Variants in RAP1GAP2 observed in about 807,000 individuals in gnomAD.
RAP1GAP2 encodes the protein RAP1 GTPase activating protein 2.
RAP1GAP2 carries 27 observed loss-of-function variants against 95.0 expected under a neutral mutation model. That is an observed-to-expected ratio of 0.28 (90% CI 0.21 to 0.39). The LOEUF is 0.39. Among genes scored for constraint, RAP1GAP2 ranks in the 10% least tolerant of loss-of-function variants. The pLI is 1.00. For missense variants in RAP1GAP2, 771 were observed against 970.0 expected, an observed-to-expected ratio of 0.79 and a Z score of 2.72; for synonymous variants, 373 against 380.9, an observed-to-expected ratio of 0.98 and a Z score of 0.24.
At chr17:2,847,910 A>G (rs2071658488) in intron 2 of RAP1GAP2, among the ~76,000 whole-genome samples, 1 of 152,188 alleles carries the variant, frequency 6.6e-6, no homozygotes, top group Admixed American at 6.5e-5. Context: ...GATCCTTTTG[A>G]ATTTTTTCAC....
rs961674007 is a variant in RAP1GAP2 at position 3,036,607 on chromosome 17, A to G, written c.*3246A>G. 2 of 152,260 alleles carry G rather than the reference A, an allele frequency of 1.3e-5. No individual in the cohort carries two copies. The allele number at this position is 152,260 out of a possible 1,614,324, so 9.4% of individuals were successfully genotyped here. A position where few individuals can be genotyped will look rare whatever the true frequency, so the allele number is the denominator to read the frequency against. On this transcript the variant is annotated 3_prime_UTR_variant, in exon 25 of 25. Transcript: ENST00000254695. ...AGGAGGGAAAGGGATTCAGTGAACTATTCCTCAGTGGGATCGGTTCTTCAG... is the reference window on the plus strand; with the variant it reads ...AGGAGGGAAAGGGATTCAGTGAACTGTTCCTCAGTGGGATCGGTTCTTCAG...
At chr17:2,818,471 G>A (rs969031043) in intron 2 of RAP1GAP2, among the ~76,000 whole-genome samples, 6 of 151,726 alleles carry the variant, frequency 4.0e-5, no homozygotes, top group Admixed American at 6.6e-5. Context: ...TTACAAGTGC[G>A]TGCCACCACG....
chr17:2,981,095 G>T, intron 9 of RAP1GAP2, 100 bp from the exon 10 acceptor site: 1 of 1,117,530 alleles, frequency 8.9e-7, no homozygotes, highest in South Asian at 1.4e-5. Flanking sequence ...CCTGACCCAT[G>T]TGCCTCGCCC....
chr17:2,782,858 A>G lies in RAP1GAP2; in HGVS notation c.-14+5580A>G, dbSNP rs192245539. On this transcript the variant is annotated intron_variant, in intron 1 of 24. Coordinates refer to the RAP1GAP2 transcript ENST00000540393. ...TGGTGAAACCCCGTCTCTACTAAAA[A>G]TACAAAAAATTACCCGGGTGTGGTG... Among the ~76,000 whole-genome samples the G allele has an allele frequency of 6.2e-3, 949 of 152,280 alleles. 5 individuals are homozygous for G. Among genetic ancestry groups the G allele is most frequent in the South Asian group, 0.021 (101 of 4,828 alleles).
chr17:2,769,572 T>C (rs1303606455), intron 1 of RAP1GAP2, among the ~76,000 whole-genome samples: 1 of 149,380 alleles, frequency 6.7e-6, no homozygotes, highest in Non-Finnish European at 1.5e-5. Context: ...TAAAATAAAA[T>C]GAAATAACAT....
At position 2,843,658 on chromosome 17, in the gene RAP1GAP2, G is replaced by C. The variant is rs190434183; in HGVS notation, c.80+43108G>C. 4.1e-3 allele frequency among the ~76,000 whole-genome samples: 619 copies of C among 152,186 alleles called. 28 individuals are homozygous for C. The South Asian group carries it at 0.099, about 24-fold the overall frequency. On this transcript the variant is annotated intron_variant, in intron 2 of 24. Coordinates refer to ENST00000254695, the MANE Select transcript of RAP1GAP2 (RefSeq NM_015085.5). The stretch of plus-strand genomic sequence containing the variant: ...TCTCCTGCCTCCCACTACCTTGCAG[G>C]GTGGGGCGGGGTGGGGCTGAGATGG...
intron 2 of RAP1GAP2, among the ~76,000 whole-genome samples, chr17:2,832,020 AT>A (rs1438860621): frequency 9.3e-5 from 14 of 151,258 alleles, no homozygotes; most frequent in African/African-American, 3.4e-4. Context: ...CCTGCCCAAT[AT>A]GGCGAAACCC....
chr17:3,024,313 AG>A (rs1157512978), intron 19 of RAP1GAP2, among the ~76,000 whole-genome samples: 1 of 152,210 alleles, frequency 6.6e-6, no homozygotes, highest in Non-Finnish European at 1.5e-5. Flanking sequence ...GATTGACAGG[AG>A]GTTATTAGCA....
At chr17:2,863,023 T>G (rs963169271) in intron 2 of RAP1GAP2, among the ~76,000 whole-genome samples, 49 of 109,244 alleles carry the variant, frequency 4.5e-4, no homozygotes, top group African/African-American at 1.6e-3. Context: ...AAAAAAAAAG[T>G]AAAGTCAGGC....
At chr17:2,894,007 C>T (rs1329037725) in intron 2 of RAP1GAP2, among the ~76,000 whole-genome samples, 2 of 152,274 alleles carry the variant, frequency 1.3e-5, no homozygotes, top group African/African-American at 2.4e-5. Context: ...GCCGGCCAGG[C>T]GCTCATGTCT....
chr17:2,988,816 C>T (rs1220071400), intron 11 of RAP1GAP2, among the ~76,000 whole-genome samples: 1 of 152,168 alleles, frequency 6.6e-6, no homozygotes, highest in Non-Finnish European at 1.5e-5. Flanking sequence ...AATCCCAGCA[C>T]TTTGGGAGGC....
At chr17:2,926,750 A>G (rs2042966800) in intron 3 of RAP1GAP2, among the ~76,000 whole-genome samples, 1 of 151,948 alleles carries the variant, frequency 6.6e-6, no homozygotes, top group Non-Finnish European at 1.5e-5. Context: ...CACATCTGTA[A>G]TCCTAGCACT....
At chr17:2,844,090 G>C (rs906771702) in intron 2 of RAP1GAP2, among the ~76,000 whole-genome samples, 3 of 151,654 alleles carry the variant, frequency 2.0e-5, no homozygotes, top group Non-Finnish European at 4.4e-5. Context: ...GCTCGATCTC[G>C]GCTCACTGCA....
chr17:3,031,817 C>T (rs577974855), intron 23 of RAP1GAP2, among the ~76,000 whole-genome samples: 38 of 147,086 alleles, frequency 2.6e-4, no homozygotes, highest in Admixed American at 6.0e-4. Context: ...GTTCCTGGGT[C>T]CCCCAGTCCC....
intron 8 of RAP1GAP2, among the ~76,000 whole-genome samples, chr17:2,968,300 T>C (rs1053050682): frequency 1.2e-4 from 19 of 152,200 alleles, no homozygotes; most frequent in African/African-American, 4.6e-4. Context: ...CAGAATCTAC[T>C]TTGTAGAAAA....
Position 3,027,015 on chromosome 17 carries a change from G to T in RAP1GAP2, c.2052G>T (p.Glu684Asp). ...TCTACAGCCCGTCCCCGAGCAGCGA[G>T]AGCCCCAGCCTGGGGGCAGCTGCCA... is the stretch of plus-strand genomic sequence containing the variant. ...VFVYSPSPSS[E>D]SPSLGAAATP... The change falls in exon 22 of 25, where the codon GAG becomes GAT. Residue 684 changes from glutamate to aspartate, a missense_variant. Glu to Asp is a conservative substitution (Grantham distance 45, BLOSUM62 2). Transcript: ENST00000254695. The surrounding 1 kb of genome is among the most constrained non-coding windows in gnomAD (Gnocchi z 5.2). 1 of 1,569,958 alleles carries T rather than the reference G, an allele frequency of 6.4e-7. No homozygotes were observed. The highest frequency in any genetic ancestry group is 8.6e-7 in the Non-Finnish European group (1 of 1,157,804).
chr17:2,971,488 G>A (rs1028282859), intron 8 of RAP1GAP2, among the ~76,000 whole-genome samples: 1 of 151,638 alleles, frequency 6.6e-6, no homozygotes, highest in South Asian at 2.1e-4. Flanking sequence ...TAATCCCAGC[G>A]TTTTGGGCGG....
At chr17:3,017,993 C>A in intron 17 of RAP1GAP2, 68 bp from the exon 18 acceptor site, 1 of 1,500,836 alleles carries the variant, frequency 6.7e-7, no homozygotes. Flanking sequence ...CTACAGACCC[C>A]ACGAGGAGGG....
intron 2 of RAP1GAP2, among the ~76,000 whole-genome samples, chr17:2,838,320 G>T (rs2071232576): frequency 6.6e-6 from 1 of 151,916 alleles, no homozygotes; most frequent in South Asian, 2.1e-4. Context: ...GCCCGGCCTT[G>T]TGTTCCTTCT....
Sources: allele counts gnomAD v4.1 joint callset (sites outside exome capture counted in the v4.1 genomes callset), GRCh38; gene constraint gnomAD v4.1.1; non-coding constraint Gnocchi (gnomAD v3.1); transcripts MANE v1.5; gene names NCBI Gene and HGNC (gene_info 2026-07-23, HGNC 2026-07-21).